GPBP1: variants seen among roughly 807,000 people sequenced by gnomAD.
The protein encoded by GPBP1 is GC-rich promoter binding protein 1, also known as vasculin.
Under a neutral mutation model 56.5 loss-of-function variants are expected in GPBP1, and 13 were observed. That is an observed-to-expected ratio of 0.23 (90% CI 0.15 to 0.37). GPBP1 has a LOEUF of 0.37. Among genes scored for constraint, GPBP1 ranks in the 10% least tolerant of loss-of-function variants. The pLI is 1.00. For synonymous variants in GPBP1, 204 were observed against 188.9 expected, an observed-to-expected ratio of 1.08 and a Z score of -0.66; for missense variants, 477 against 572.3, an observed-to-expected ratio of 0.83 and a Z score of 1.70.
chr5:57,262,642 A>T lies in GPBP1; in HGVS notation c.1312A>T (p.Ile438Phe). 6.2e-7 allele frequency: 1 copy of T among 1,613,802 alleles called. No homozygotes were observed. Among genetic ancestry groups the T allele is most frequent in the South Asian group, 1.1e-5 (1 of 91,078 alleles). Reference sequence around the variant, plus strand: ...AAATGGTATTTTGAAAAATGGCTTGATCTGTGACTTCAAGTTTGGACCGTG... The same window carrying T: ...AAATGGTATTTTGAAAAATGGCTTGTTCTGTGACTTCAAGTTTGGACCGTG... ...RKNGILKNGLICDFKFGPWKN... is the reference protein window; with the variant it reads ...RKNGILKNGLFCDFKFGPWKN... The change falls in exon 12 of 12, where the codon ATC (isoleucine) becomes TTC (phenylalanine). Residue 438 changes from isoleucine to phenylalanine, a missense_variant. Ile to Phe is a conservative substitution (Grantham distance 21). Coordinates refer to ENST00000506184, the MANE Select transcript of GPBP1 (RefSeq NM_022913.4).
intron 5 of GPBP1, among the ~76,000 whole-genome samples, chr5:57,233,231 AAG>A (rs1266526881): frequency 6.6e-6 from 1 of 152,198 alleles, no homozygotes; most frequent in Admixed American, 6.5e-5. Flanking sequence ...AGGTTTCAGT[AAG>A]AGGAAAAATT....
intron 1 of GPBP1, among the ~76,000 whole-genome samples, chr5:57,174,654 C>G (rs1162013248): frequency 6.6e-6 from 1 of 152,226 alleles, no homozygotes; most frequent in East Asian, 1.9e-4. Context: ...CAGCTTTCCC[C>G]GCCTCTCCCA....
At chr5:57,195,685 A>G (rs1754711213) in intron 2 of GPBP1, among the ~76,000 whole-genome samples, 1 of 151,966 alleles carries the variant, frequency 6.6e-6, no homozygotes. Context: ...AAGGTTTTTT[A>G]TTTGCGAAAT....
chr5:57,175,373 C>T (rs1163643028), intron 1 of GPBP1, 75 bp from the exon 2 acceptor site: 4 of 395,512 alleles, frequency 1.0e-5, no homozygotes, highest in Non-Finnish European at 1.8e-5. Context: ...CAGAGGTTGA[C>T]TTTTTAAGTT....
At chr5:57,181,905 G>T (rs1362777106) in intron 2 of GPBP1, among the ~76,000 whole-genome samples, 1 of 151,992 alleles carries the variant, frequency 6.6e-6, no homozygotes, top group Non-Finnish European at 1.5e-5. Context: ...TTCCCATTTT[G>T]TCAGCTGTCC....
At chr5:57,247,770 C>T (rs1013885098) in intron 8 of GPBP1, among the ~76,000 whole-genome samples, 22 of 152,090 alleles carry the variant, frequency 1.4e-4, no homozygotes, top group African/African-American at 5.3e-4. Context: ...GTAGGAGGGA[C>T]AGAGTCTCTG....
At chr5:57,206,655 T>G (rs1755246799) in intron 2 of GPBP1, among the ~76,000 whole-genome samples, 1 of 152,184 alleles carries the variant, frequency 6.6e-6, no homozygotes, top group Non-Finnish European at 1.5e-5. Flanking sequence ...ATTACAGGCG[T>G]GAGCTACTGC....
intron 2 of GPBP1, among the ~76,000 whole-genome samples, chr5:57,206,776 C>T (rs1400292217): frequency 6.6e-6 from 1 of 152,108 alleles, no homozygotes; most frequent in East Asian, 1.9e-4. Flanking sequence ...CATCTTAGCA[C>T]TCTTGTTGAA....
intron 6 of GPBP1, among the ~76,000 whole-genome samples, chr5:57,242,804 C>T (rs1418924499): frequency 1.3e-5 from 2 of 152,130 alleles, no homozygotes; most frequent in African/African-American, 4.8e-5. Flanking sequence ...GGCTGGAGTG[C>T]AGTGGTGTGA....
intron 2 of GPBP1, among the ~76,000 whole-genome samples, chr5:57,199,824 G>A (rs1351557334): frequency 6.6e-6 from 1 of 151,696 alleles, no homozygotes; most frequent in Non-Finnish European, 1.5e-5. Context: ...AACCCCTACT[G>A]TCCCCATACT....
intron 6 of GPBP1, chr5:57,245,392 T>G (rs1222464366): frequency 6.6e-6 from 1 of 152,208 alleles, no homozygotes; most frequent in Non-Finnish European, 1.5e-5. Flanking sequence ...TATTTAGTTT[T>G]GGGTTTTGAG....
At chr5:57,189,058 T>C (rs1037679443) in intron 2 of GPBP1, among the ~76,000 whole-genome samples, 1 of 152,188 alleles carries the variant, frequency 6.6e-6, no homozygotes, top group Non-Finnish European at 1.5e-5. Flanking sequence ...AGTGGTGTGA[T>C]CTTGGCTCAC....
At chr5:57,246,931 A>G in intron 7 of GPBP1, 144 bp from the exon 8 acceptor site, 1 of 547,218 alleles carries the variant, frequency 1.8e-6, no homozygotes, top group Non-Finnish European at 3.1e-6. Context: ...ACAGAGAACT[A>G]TGTAGGAATA....
intron 10 of GPBP1, 145 bp from the exon 11 acceptor site, chr5:57,261,035 G>A (rs1000982990): frequency 3.9e-6 from 2 of 506,436 alleles, no homozygotes; most frequent in Non-Finnish European, 3.6e-6. Context: ...GATACTCAAA[G>A]CCTGAGCTCA....
chr5:57,206,124 A>C (rs1387212238), intron 2 of GPBP1, among the ~76,000 whole-genome samples: 3 of 152,092 alleles, frequency 2.0e-5, no homozygotes, highest in African/African-American at 7.2e-5. Context: ...AGTTCTTTAT[A>C]TATTCTGGAT....
chr5:57,196,697 A>G (rs1041582495), intron 2 of GPBP1, among the ~76,000 whole-genome samples: 2 of 151,472 alleles, frequency 1.3e-5, no homozygotes, highest in Non-Finnish European at 2.9e-5. Context: ...GGCTCAAGCC[A>G]TTGTCCTGCC....
intron 3 of GPBP1, among the ~76,000 whole-genome samples, chr5:57,214,585 A>G (rs1384585678): frequency 2.0e-5 from 3 of 152,148 alleles, no homozygotes; most frequent in African/African-American, 7.2e-5. Flanking sequence ...AACTGTCTCA[A>G]AACAAAACAA....
chr5:57,222,071 G>T (rs1430769362), intron 3 of GPBP1, among the ~76,000 whole-genome samples: 1 of 151,762 alleles, frequency 6.6e-6, no homozygotes, highest in Non-Finnish European at 1.5e-5. Flanking sequence ...TAGAGACAGG[G>T]TCTCACTATG....
At chr5:57,179,766 A>G (rs1204395248) in intron 2 of GPBP1, among the ~76,000 whole-genome samples, 1 of 151,938 alleles carries the variant, frequency 6.6e-6, no homozygotes, top group East Asian at 1.9e-4. Flanking sequence ...AGGCCTGGCT[A>G]ATATTGTATT....
Sources: gnomAD v4.1 joint callset for allele counts (sites outside exome capture counted in the v4.1 genomes callset) on GRCh38, gnomAD v4.1.1 for gene constraint, MANE v1.5 for transcripts, NCBI Gene and HGNC (gene_info 2026-07-23, HGNC 2026-07-21) for gene names.